PRLR: variants seen among roughly 807,000 people sequenced by gnomAD.
The protein encoded by PRLR is hPRL receptor.
A neutral mutation model predicts 40.2 loss-of-function variants in PRLR; 13 were observed. The observed-to-expected ratio is 0.32, with a 90% confidence interval of 0.21 to 0.51. The LOEUF (loss-of-function observed/expected upper bound fraction) is 0.51. PRLR is among the 20% of genes least tolerant of loss of function. The pLI, the probability that PRLR is intolerant of heterozygous loss-of-function variation, is 0.97. For missense variants in PRLR, 656 were observed against 747.3 expected, an observed-to-expected ratio of 0.88 and a Z score of 1.42; for synonymous variants, 269 against 278.7, an observed-to-expected ratio of 0.97 and a Z score of 0.35.
At chr5:35,110,405 G>A (rs1772585716) in intron 2 of PRLR, among the ~76,000 whole-genome samples, 1 of 152,092 alleles carries the variant, frequency 6.6e-6, no homozygotes, top group Admixed American at 6.5e-5. Context: ...AGACAGGAGT[G>A]AGGGGCTCTA....
At chr5:35,197,255 A>G (rs916057527) in intron 1 of PRLR, among the ~76,000 whole-genome samples, 3 of 152,224 alleles carry the variant, frequency 2.0e-5, no homozygotes, top group Non-Finnish European at 4.4e-5. Context: ...GGCCAGATCC[A>G]CCCGTGTGTT....
At chr5:35,126,653 G>T (rs890307860) in intron 1 of PRLR, among the ~76,000 whole-genome samples, 1 of 152,180 alleles carries the variant, frequency 6.6e-6, no homozygotes, top group Non-Finnish European at 1.5e-5. Context: ...CTTGAGCAAG[G>T]CATGTAAGTT....
At chr5:35,095,799 T>C (rs996655490) in intron 2 of PRLR, among the ~76,000 whole-genome samples, 1 of 152,242 alleles carries the variant, frequency 6.6e-6, no homozygotes, top group Non-Finnish European at 1.5e-5. Flanking sequence ...GGGGAAAACA[T>C]CCAGAACTTT....
intron 2 of PRLR, among the ~76,000 whole-genome samples, chr5:35,103,554 C>G (rs373389791): frequency 2.0e-5 from 3 of 152,158 alleles, no homozygotes; most frequent in African/African-American, 7.2e-5. Context: ...AAACATTCCT[C>G]TCTGAAATCA....
chr5:35,116,197 G>A (rs1773008606), intron 2 of PRLR, among the ~76,000 whole-genome samples: 1 of 152,162 alleles, frequency 6.6e-6, no homozygotes, highest in African/African-American at 2.4e-5. Context: ...AGATGAATAG[G>A]AAGTGTGTGT....
At chr5:35,173,743 CTG>C (rs1044627510) in intron 1 of PRLR, among the ~76,000 whole-genome samples, 1 of 152,294 alleles carries the variant, frequency 6.6e-6, no homozygotes, top group African/African-American at 2.4e-5. Flanking sequence ...AGTAAGCAAA[CTG>C]TGAAATGAAT....
intron 1 of PRLR, among the ~76,000 whole-genome samples, chr5:35,151,987 A>AC (rs1774355434): frequency 6.6e-6 from 1 of 152,170 alleles, no homozygotes; most frequent in South Asian, 2.1e-4. Flanking sequence ...TTGTTACCAC[A>AC]CCGTAATTTA....
At chr5:35,069,953 G>C (rs962495988) in intron 7 of PRLR, among the ~76,000 whole-genome samples, 171 bp downstream of exon 7, 1 of 152,112 alleles carries the variant, frequency 6.6e-6, no homozygotes, top group Admixed American at 6.5e-5. Context: ...AGTAATCCAG[G>C]GTGCAATGCT....
At chr5:35,108,448 A>T (rs1772422316) in intron 2 of PRLR, among the ~76,000 whole-genome samples, 1 of 152,222 alleles carries the variant, frequency 6.6e-6, no homozygotes, top group Admixed American at 6.5e-5. Flanking sequence ...CTCTTTGCAG[A>T]TGACATGATT....
chr5:35,227,598 G>C (rs1349183078), intron 1 of PRLR, among the ~76,000 whole-genome samples: 1 of 152,202 alleles, frequency 6.6e-6, no homozygotes, highest in Non-Finnish European at 1.5e-5. Flanking sequence ...CCTCACCAAA[G>C]TATACTGATA....
At chr5:35,210,901 A>G (rs1161514143) in intron 1 of PRLR, among the ~76,000 whole-genome samples, 2 of 152,134 alleles carry the variant, frequency 1.3e-5, no homozygotes, top group Non-Finnish European at 2.9e-5. Context: ...TTGTAGAGAC[A>G]GCATTTCGCT....
chr5:35,164,623 A>C (rs991788095), intron 1 of PRLR, among the ~76,000 whole-genome samples: 1 of 152,354 alleles, frequency 6.6e-6, no homozygotes, highest in African/African-American at 2.4e-5. Flanking sequence ...AGGGTCTACA[A>C]GTGTGGATTT....
chr5:35,105,578 G>C (rs777375485), intron 2 of PRLR, among the ~76,000 whole-genome samples: 5 of 152,080 alleles, frequency 3.3e-5, no homozygotes, highest in Non-Finnish European at 7.4e-5. Flanking sequence ...ACTATATGAC[G>C]CATGCACAAG....
chr5:35,209,817 C>T (rs1430044517), intron 1 of PRLR, among the ~76,000 whole-genome samples: 2 of 152,188 alleles, frequency 1.3e-5, no homozygotes, highest in African/African-American at 4.8e-5. Flanking sequence ...AGGTAAGCTA[C>T]CATCATTGTT....
intron 2 of PRLR, among the ~76,000 whole-genome samples, chr5:35,104,525 T>C (rs1427105477): frequency 6.6e-6 from 1 of 152,132 alleles, no homozygotes. Context: ...CCAACTCTAA[T>C]ACTGCACTTT....
chr5:35,128,633 T>G (rs1773548498), intron 1 of PRLR, among the ~76,000 whole-genome samples: 1 of 152,078 alleles, frequency 6.6e-6, no homozygotes, highest in Non-Finnish European at 1.5e-5. Flanking sequence ...ATAAAGTATA[T>G]CACAATAAAG....
intron 2 of PRLR, among the ~76,000 whole-genome samples, chr5:35,092,795 T>C (rs1037498663): frequency 1.3e-5 from 2 of 152,208 alleles, no homozygotes; most frequent in African/African-American, 4.8e-5. Context: ...TGGTTTTGAC[T>C]GAGGGTTAAA....
intron 1 of PRLR, among the ~76,000 whole-genome samples, chr5:35,133,287 G>A (rs766402236): frequency 2.0e-5 from 3 of 151,844 alleles, no homozygotes; most frequent in Non-Finnish European, 4.4e-5. Flanking sequence ...CCATAATCGT[G>A]TGAGCCAATT....
At chr5:35,123,757 C>T (rs982141754) in intron 1 of PRLR, among the ~76,000 whole-genome samples, 6 of 152,164 alleles carry the variant, frequency 3.9e-5, no homozygotes, top group Admixed American at 1.3e-4. Context: ...TTAAAGTATT[C>T]AGTAGCTTTA....
Sources: allele counts gnomAD v4.1 joint callset (sites outside exome capture counted in the v4.1 genomes callset), GRCh38; gene constraint gnomAD v4.1.1; transcripts MANE v1.5; gene names NCBI Gene and HGNC (gene_info 2026-07-23, HGNC 2026-07-21).